WWOX: variants seen among roughly 807,000 people sequenced by gnomAD.
WWOX encodes WW domain-containing oxidoreductase.
WWOX carries 69 observed loss-of-function variants against 46.2 expected under a neutral mutation model. That is an observed-to-expected ratio of 1.49 (90% CI 1.23 to 1.82). The LOEUF is 1.82. Ranked by LOEUF, WWOX falls within the 40% of genes most tolerant of loss-of-function variation. WWOX has a pLI of 0.00. For synonymous variants in WWOX, 359 were observed against 202.6 expected (o/e 1.77, Z -6.56); for missense variants, 919 against 542.6 (o/e 1.69, Z -6.89).
chr16:78,259,035 ATAAAG>A (rs1426686738), intron 5 of WWOX, among the ~76,000 whole-genome samples: 1 of 152,244 alleles, frequency 6.6e-6, no homozygotes, highest in Non-Finnish European at 1.5e-5. Flanking sequence ...TTAAGAACTC[ATAAAG>A]TAATTTAGCA....
intron 8 of WWOX, among the ~76,000 whole-genome samples, chr16:79,096,016 A>ATTTTT (rs57621801): frequency 0.11 from 9,261 of 80,892 alleles, 388 homozygotes; most frequent in East Asian, 0.16. Flanking sequence ...CACCCGGATA[A>ATTTTT]TTTTTTTTTT....
intron 8 of WWOX, among the ~76,000 whole-genome samples, chr16:78,707,593 C>A (rs921464246): frequency 6.6e-6 from 1 of 152,068 alleles, no homozygotes; most frequent in African/African-American, 2.4e-5. Context: ...AGTATTCAAT[C>A]TTTTTAAGGC....
intron 8 of WWOX, among the ~76,000 whole-genome samples, chr16:78,512,503 TGTATTTA>T: frequency 6.6e-6 from 1 of 152,302 alleles, no homozygotes; most frequent in South Asian, 2.1e-4. Flanking sequence ...GGCAATTAAT[TGTATTTA>T]CTTAGCATTG....
rs1294254657 is a variant in WWOX, at chr16:78,341,083, C to G, written c.517-45777C>G. Among the ~76,000 whole-genome samples the G allele has an allele frequency of 1.8e-5, 2 of 113,888 alleles. 1 individual carries two copies. The allele number at this position is 113,888 out of a possible 152,430, so 74.7% of individuals were successfully genotyped here. On this transcript the variant is annotated intron_variant, in intron 5 of 8. Coordinates refer to ENST00000566780, the MANE Select transcript of WWOX (RefSeq NM_016373.4). ...CTCTCTGATAGGAATTGTGTTACTT[C>G]TCAGCTGTCCCCATGGCTAGCTTAA...
At chr16:79,182,118 A>G (rs961510746) in intron 8 of WWOX, among the ~76,000 whole-genome samples, 3 of 147,666 alleles carry the variant, frequency 2.0e-5, no homozygotes, top group African/African-American at 7.9e-5. Flanking sequence ...CCAGCTGGAG[A>G]CATTAGAGCA....
intron 1 of WWOX, among the ~76,000 whole-genome samples, chr16:78,107,190 C>A (rs187388590): frequency 6.6e-6 from 1 of 152,236 alleles, no homozygotes; most frequent in East Asian, 1.9e-4. Context: ...TTTTAGGAAA[C>A]GCAGCCTACC....
intron 8 of WWOX, among the ~76,000 whole-genome samples, chr16:78,912,973 A>G (rs1402481879): frequency 2.6e-5 from 4 of 151,868 alleles, no homozygotes; most frequent in Non-Finnish European, 5.9e-5. Context: ...TCCACAAAGA[A>G]CTCGGCATCC....
chr16:78,138,398 G>A (rs908980409), intron 4 of WWOX, among the ~76,000 whole-genome samples: 5 of 136,932 alleles, frequency 3.7e-5, no homozygotes, highest in African/African-American at 1.1e-4. Context: ...AGATGTGCTC[G>A]TGATGTGGTT....
intron 6 of WWOX, among the ~76,000 whole-genome samples, chr16:78,405,642 G>A (rs1176387964): frequency 2.0e-5 from 3 of 152,202 alleles, no homozygotes; most frequent in African/African-American, 4.8e-5. Flanking sequence ...ATCTCTCAAT[G>A]ATTGGTGGGT....
chr16:78,724,494 G>A (rs970628100), intron 8 of WWOX, among the ~76,000 whole-genome samples: 8 of 152,124 alleles, frequency 5.3e-5, no homozygotes, highest in East Asian at 1.9e-4. Flanking sequence ...AAATGTTTAC[G>A]GTTACTGATA....
intron 8 of WWOX, among the ~76,000 whole-genome samples, chr16:78,547,756 C>G (rs12923083): frequency 6.6e-6 from 1 of 152,146 alleles, no homozygotes; most frequent in African/African-American, 2.4e-5. Context: ...GTCTCTCTAT[C>G]TGGCCTCTTT....
chr16:79,079,082 A>G (rs764547830), intron 8 of WWOX, among the ~76,000 whole-genome samples: 1 of 152,246 alleles, frequency 6.6e-6, no homozygotes, highest in Non-Finnish European at 1.5e-5. Flanking sequence ...TTAACATAAT[A>G]TAAAATGACT....
At chr16:78,468,952 G>C (rs998598148) in intron 8 of WWOX, among the ~76,000 whole-genome samples, 1 of 152,146 alleles carries the variant, frequency 6.6e-6, no homozygotes, top group Non-Finnish European at 1.5e-5. Flanking sequence ...GAAACTTTTG[G>C]TATGACGATG....
At chr16:79,153,120 A>G (rs76730174) in intron 8 of WWOX, among the ~76,000 whole-genome samples, 1 of 152,180 alleles carries the variant, frequency 6.6e-6, no homozygotes, top group African/African-American at 2.4e-5. Flanking sequence ...GCTCAGGGTC[A>G]TGGGCTTGCT....
intron 8 of WWOX, among the ~76,000 whole-genome samples, chr16:79,122,187 G>C (rs1040913821): frequency 6.6e-6 from 1 of 152,098 alleles, no homozygotes; most frequent in African/African-American, 2.4e-5. Flanking sequence ...CTAAACCTCT[G>C]TGAAGTTGTA....
In WWOX at chr16:78,752,268, G is replaced by T. The variant is rs181575915; in HGVS notation, c.1056+319516G>T. On this transcript the variant is annotated intron_variant, in intron 8 of 8. Transcript: ENST00000566780. Reference sequence around the variant, plus strand: ...GTCTGTCAGTGTTAGAGACTATCAGGTTAAAACAAAGATATTCTTTCTTTC... The same window carrying T: ...GTCTGTCAGTGTTAGAGACTATCAGTTTAAAACAAAGATATTCTTTCTTTC... Among the ~76,000 whole-genome samples the T allele has an allele frequency of 1.9e-3, 283 of 152,254 alleles. 1 individual carries two copies. Among genetic ancestry groups the T allele is most frequent in the Non-Finnish European group, 2.9e-3 (197 of 68,012 alleles).
At chr16:78,235,083 A>G (rs2037391915) in intron 5 of WWOX, among the ~76,000 whole-genome samples, 1 of 152,132 alleles carries the variant, frequency 6.6e-6, no homozygotes, top group Admixed American at 6.5e-5. Context: ...CACACACGTA[A>G]TGATGTTCGT....
chr16:78,406,729 C>T (rs1486680982), intron 6 of WWOX, among the ~76,000 whole-genome samples: 2 of 151,398 alleles, frequency 1.3e-5, no homozygotes, highest in African/African-American at 2.4e-5. Flanking sequence ...GGGGTTCAAG[C>T]GATTCTCCTG....
intron 8 of WWOX, among the ~76,000 whole-genome samples, chr16:78,781,344 C>A (rs899081270): frequency 5.9e-5 from 9 of 152,154 alleles, no homozygotes; most frequent in Non-Finnish European, 1.3e-4. Flanking sequence ...TGTTTGAGAT[C>A]TCAGAAATCT....
Sources: allele counts gnomAD v4.1 joint callset (sites outside exome capture counted in the v4.1 genomes callset), GRCh38; gene constraint gnomAD v4.1.1; transcripts MANE v1.5; gene names NCBI Gene and HGNC (gene_info 2026-07-23, HGNC 2026-07-21).